The following SARDH variants were observed in gnomAD, a reference collection of about 807,000 sequenced individuals.
SARDH encodes the protein sarcosine dehydrogenase, mitochondrial.
In SARDH, 95 loss-of-function variants were observed where a neutral mutation model predicts 109.1. The ratio of observed to expected loss-of-function variants is 0.87; its 90% CI spans 0.74 to 1.03. The LOEUF is 1.03. SARDH is among the 50% of genes least tolerant of loss of function. The probability of loss-of-function intolerance (pLI) is 0.00; values close to 1 mark genes in which losing one functional copy is unlikely to be tolerated. For synonymous variants in SARDH, 572 were observed against 534.8 expected, an observed-to-expected ratio of 1.07 and a Z score of -0.96; for missense variants, 1,267 against 1,287.8, an observed-to-expected ratio of 0.98 and a Z score of 0.25.
chr9:133,685,354 C>T lies in SARDH; in HGVS notation c.2070-68G>A, dbSNP rs9409845. On this transcript the variant is annotated intron_variant, in intron 16 of 20. Coordinates refer to ENST00000439388, the MANE Select transcript of SARDH (RefSeq NM_001134707.2). The stretch of plus-strand genomic sequence containing the variant: ...GGTGGGGCCTGGGCAGGAAAGGCCC[C>T]GGGGACCTGCCATGAGTGGGATAAG... 100,405 of 1,310,532 alleles carry T rather than the reference C, an allele frequency of 0.077. 4,847 individuals are homozygous for T. The highest frequency in any genetic ancestry group is 0.21 in the South Asian group (16,250 of 77,588). 81.2% of individuals were successfully genotyped at this position (1,310,532 alleles called of 1,614,324 possible). A position where few individuals can be genotyped will look rare whatever the true frequency, so the allele number is the denominator to read the frequency against.
At position 133,712,745 on chromosome 9, in the gene SARDH, C is replaced by A; in HGVS notation, c.1238-36G>T. The A allele has an allele frequency of 6.3e-7, 1 of 1,577,430 alleles. No homozygotes were observed. The highest frequency in any genetic ancestry group is 8.6e-7 in the Non-Finnish European group (1 of 1,158,660). ...GAGAAGCGCAGGGCTGCGGTCTGCC[C>A]CCCAGGGTCCCCCACCCATGTCCAA... On this transcript the variant is annotated intron_variant, in intron 9 of 20. Coordinates refer to ENST00000439388, the MANE Select transcript of SARDH (RefSeq NM_001134707.2). This position sits in a 1 kb window ranked among gnomAD's most constrained non-coding sequence, Gnocchi z 4.1.
intron 6 of SARDH, among the ~76,000 whole-genome samples, chr9:133,723,980 C>T (rs972479847): frequency 1.3e-5 from 2 of 152,012 alleles, no homozygotes; most frequent in African/African-American, 4.8e-5. Context: ...AGAGCTAAAA[C>T]TATAAAAGCC....
downstream of SARDH, among the ~76,000 whole-genome samples, chr9:133,662,224 TTGCG>T (rs1323401893): frequency 6.6e-6 from 1 of 152,038 alleles, no homozygotes; most frequent in African/African-American, 2.4e-5. The surrounding 1 kb of genome is among the most constrained non-coding windows in gnomAD (Gnocchi z 5.1). Context: ...GGTGGTGCCG[TTGCG>T]TGCATTCCCC....
chr9:133,700,735 G>A (rs202185537), intron 13 of SARDH, among the ~76,000 whole-genome samples: 6 of 57,970 alleles, frequency 1.0e-4, no homozygotes, highest in East Asian at 1.2e-3. Flanking sequence ...ACACACGCAC[G>A]CGCACACACA....
At position 133,730,472 on chromosome 9, in the gene SARDH, A is replaced by ATTTT. The variant is rs778714970; in HGVS notation, c.691-286_691-285insAAAA. 3.2e-3 allele frequency among the ~76,000 whole-genome samples: 289 copies of ATTTT among 88,994 alleles called. 9 individuals carry two copies. Among genetic ancestry groups the ATTTT allele is most frequent in the Admixed American group, 0.02 (176 of 8,864 alleles). The allele number at this position is 88,994 out of a possible 152,430, so 58.4% of individuals were successfully genotyped here. A position where few individuals can be genotyped will look rare whatever the true frequency, so the allele number is the denominator to read the frequency against. On this transcript the variant is annotated intron_variant, in intron 4 of 20. Transcript: ENST00000439388. ...TGAAAAAGTAGCTGACTTTTTTTTA[A>ATTTT]AAAAAAAAAGCAAGATATTTGATTA... is the stretch of plus-strand genomic sequence containing the variant.
chr9:133,733,784 G>A (rs1832766410), intron 2 of SARDH, 59 bp downstream of exon 2: 6 of 1,383,998 alleles, frequency 4.3e-6, no homozygotes, highest in Non-Finnish European at 5.7e-6. Context: ...CTAGCAATGG[G>A]CTGTGGCCCC....
intron 8 of SARDH, among the ~76,000 whole-genome samples, chr9:133,716,537 C>T (rs1832128611): frequency 6.6e-6 from 1 of 152,180 alleles, no homozygotes; most frequent in Admixed American, 6.5e-5. Context: ...GGGGCAGAGC[C>T]TTCCGGGCTC....
At position 133,665,615 on chromosome 9, in the gene SARDH, C is replaced by T. The variant is rs560784374; in HGVS notation, c.2631+1120G>A. 1.8e-4 allele frequency among the ~76,000 whole-genome samples: 27 copies of T among 152,276 alleles called. No individual in the cohort carries two copies. In the East Asian group the frequency reaches 4.4e-3, roughly 25 times the overall value. ...AAAGGCTAGTGGCATCAAGTGTGTC[C>T]CCAGCCTCCCAGCTCCACCGCCGGA... On this transcript the variant is annotated intron_variant, in intron 20 of 20. Coordinates refer to ENST00000439388, the MANE Select transcript of SARDH (RefSeq NM_001134707.2).
intron 19 of SARDH, among the ~76,000 whole-genome samples, chr9:133,668,274 C>T (rs1032218798): frequency 1.7e-4 from 21 of 124,306 alleles, no homozygotes; most frequent in Admixed American, 9.3e-4. Flanking sequence ...CTCCACTCAC[C>T]GTCCCTCTCC....
At chr9:133,697,206 C>T (rs945682025) in intron 13 of SARDH, among the ~76,000 whole-genome samples, 3 of 152,064 alleles carry the variant, frequency 2.0e-5, no homozygotes, top group Non-Finnish European at 4.4e-5. Flanking sequence ...TGGACAAATT[C>T]CTAGAAACAC....
chr9:133,682,657 G>A, intron 17 of SARDH, among the ~76,000 whole-genome samples: 1 of 151,082 alleles, frequency 6.6e-6, no homozygotes, highest in African/African-American at 2.4e-5. Flanking sequence ...GCGCAGTGAT[G>A]GTTGGAAACT....
At chr9:133,722,433 C>T (rs1464385913) in intron 6 of SARDH, among the ~76,000 whole-genome samples, 1 of 150,346 alleles carries the variant, frequency 6.7e-6, no homozygotes, top group Non-Finnish European at 1.5e-5. Flanking sequence ...TGGCTGATTT[C>T]CCCCCAAGAT....
At chr9:133,731,244 G>T in intron 4 of SARDH, 61 bp downstream of exon 4, 1 of 1,586,596 alleles carries the variant, frequency 6.3e-7, no homozygotes, top group South Asian at 1.1e-5. Flanking sequence ...TGCTCTCAGG[G>T]TTCTAAGGCA....
At chr9:133,727,153 G>A (rs1357886728) in intron 6 of SARDH, among the ~76,000 whole-genome samples, 2 of 152,196 alleles carry the variant, frequency 1.3e-5, no homozygotes, top group Non-Finnish European at 2.9e-5. Flanking sequence ...CTGCTTTAAT[G>A]ATAGCTCAGA....
chr9:133,707,135 G>A (rs1831723327), intron 11 of SARDH, among the ~76,000 whole-genome samples: 1 of 152,248 alleles, frequency 6.6e-6, no homozygotes, highest in Non-Finnish European at 1.5e-5. Flanking sequence ...AGTGTCGCAA[G>A]AAGGCTGCTA....
Position 133,671,580 on chromosome 9 carries a change from T to C in SARDH, c.2281A>G (p.Ile761Val), listed in dbSNP as rs1257153210. ...VMAAGAKHGL[I>V]NAGYRAIDSL... The stretch of plus-strand genomic sequence containing the variant: ...TCGATGGCGCGGTACCCTGCGTTGA[T>C]GAGGCCGTGCTTGGCACCCGCGGCC... Residue 761 changes from isoleucine (I) to valine (V), a missense_variant, in exon 18 of 21, where the codon ATC (isoleucine) becomes GTC (valine). Transcript: ENST00000439388. 2.5e-6 allele frequency: 4 copies of C among 1,608,404 alleles called. No individual in the cohort carries two copies. The highest frequency in any genetic ancestry group is 3.4e-6 in the Non-Finnish European group (4 of 1,178,142).
At chr9:133,730,264 C>T in intron 4 of SARDH, 77 bp from the exon 5 acceptor site, 2 of 1,573,356 alleles carry the variant, frequency 1.3e-6, no homozygotes, top group Non-Finnish European at 1.7e-6. Context: ...CAACCAACCC[C>T]TCCTCCCAGA....
intron 12 of SARDH, chr9:133,703,658 A>C (rs1483451362): frequency 2.0e-5 from 3 of 151,782 alleles, no homozygotes; most frequent in Admixed American, 6.6e-5. Context: ...CCTGCAGACA[A>C]CCCCCCACCC....
intron 17 of SARDH, among the ~76,000 whole-genome samples, chr9:133,682,476 C>T (rs1417516241): frequency 1.1e-4 from 16 of 152,210 alleles, no homozygotes; most frequent in Non-Finnish European, 1.6e-4. Flanking sequence ...ATGTCCCCAA[C>T]GGTCCTCTGA....
Sources: gnomAD v4.1 joint callset for allele counts (sites outside exome capture counted in the v4.1 genomes callset) on GRCh38, gnomAD v4.1.1 for gene constraint, Gnocchi (gnomAD v3.1) non-coding constraint, MANE v1.5 for transcripts, NCBI Gene and HGNC (gene_info 2026-07-23, HGNC 2026-07-21) for gene names.